SETD2: variants seen among roughly 807,000 people sequenced by gnomAD.
The protein encoded by SETD2 is histone-lysine N-methyltransferase SETD2.
A neutral mutation model predicts 242.1 loss-of-function variants in SETD2; 31 were observed. That is an observed-to-expected ratio of 0.13 (90% CI 0.10 to 0.17). SETD2 has a LOEUF of 0.17. Ranked by LOEUF, SETD2 falls within the 10% of genes least tolerant of loss-of-function variation. The pLI is 1.00. For missense variants in SETD2, 2,481 were observed against 3,046.3 expected (o/e 0.81, Z 4.37); for synonymous variants, 1,006 against 1,066.5 (o/e 0.94, Z 1.11).
Position 47,083,902 on chromosome 3 carries a change from T to G in SETD2, c.5878A>C (p.Ile1960Leu), listed in dbSNP as rs1559701154. 1 of 1,614,176 alleles carries G rather than the reference T, an allele frequency of 6.2e-7. No individual in the cohort carries two copies. The highest frequency in any genetic ancestry group is 8.5e-7 in the Non-Finnish European group (1 of 1,180,004). ...PTSEPEADAE[I>L]EPKESNGTKL... ...GTGCCGTTGCTCTCTTTGGGCTCTATTTCAGCGTCAGCTTCTGGTTCAGAT... is the reference window on the plus strand; with the variant it reads ...GTGCCGTTGCTCTCTTTGGGCTCTAGTTCAGCGTCAGCTTCTGGTTCAGAT... Residue 1960 changes from isoleucine (I) to leucine (L), a missense_variant, in exon 12 of 21, where the codon ATA becomes CTA. Coordinates refer to ENST00000409792, the MANE Select transcript of SETD2 (RefSeq NM_014159.7).
intron 1 of SETD2, among the ~76,000 whole-genome samples, chr3:47,134,756 T>C (rs1453658429): frequency 6.6e-6 from 1 of 151,962 alleles, no homozygotes. Context: ...CTGGAGTAGC[T>C]GGGATTATAG....
intron 1 of SETD2, among the ~76,000 whole-genome samples, chr3:47,145,746 T>G (rs2043835906): frequency 6.6e-6 from 1 of 152,172 alleles, no homozygotes; most frequent in Non-Finnish European, 1.5e-5. Flanking sequence ...ACAGGTGTGG[T>G]GGCTCATGCC....
At chr3:47,054,531 T>C (rs1348317847) in intron 15 of SETD2, among the ~76,000 whole-genome samples, 2 of 152,264 alleles carry the variant, frequency 1.3e-5, no homozygotes, top group South Asian at 4.1e-4. Flanking sequence ...AGAAAGAATA[T>C]GGCTCATACC....
intron 15 of SETD2, among the ~76,000 whole-genome samples, chr3:47,055,011 G>A (rs568227386): frequency 6.6e-6 from 1 of 151,904 alleles, no homozygotes; most frequent in South Asian, 2.1e-4. Context: ...ATCCCCACTG[G>A]CTCCTCTTAA....
At chr3:47,024,868 A>G (rs1437161014) in intron 18 of SETD2, among the ~76,000 whole-genome samples, 1 of 152,220 alleles carries the variant, frequency 6.6e-6, no homozygotes, top group East Asian at 1.9e-4. Flanking sequence ...ACCTGACTTT[A>G]CACTTTACAC....
rs1468631729 is a variant in SETD2 at position 47,121,945 on chromosome 3, G to A, written c.2691C>T (p.Leu897=). ...GAGATGTGTTCTCTCCGCATTTCAA[G>A]AGAGTTAGACTGTCCACCTTTATTC... The part of the protein sequence containing the change: ...PPGIKVDSLT[L]LKCGENTSPV... Residue 897 remains leucine, a synonymous_variant, in exon 3 of 21, where the codon CTC becomes CTT. Coordinates refer to ENST00000409792, the MANE Select transcript of SETD2 (RefSeq NM_014159.7). 6.2e-7 allele frequency: 1 copy of A among 1,614,004 alleles called. No homozygotes were observed. The highest frequency in any genetic ancestry group is 1.7e-5 in the Admixed American group (1 of 60,022).
rs753767436 is a variant in SETD2, at chr3:47,124,502, A to G, written c.134T>C (p.Met45Thr). ...TCGACTAGAAGCAACACCTTTGAAC[A>G]TTGGTCCTTTGATGAAACCTGTTTT... ...VQKTGFIKGP[M>T]FKGVASSRFL... The change falls in exon 3 of 21, where the codon ATG becomes ACG. Residue 45 changes from methionine (M) to threonine (T), a missense_variant. Transcript: ENST00000409792. 6.5e-7 allele frequency: 1 copy of G among 1,549,408 alleles called. No homozygotes were observed. The highest frequency in any genetic ancestry group is 1.4e-5 in the African/African-American group (1 of 73,082).
intron 12 of SETD2, among the ~76,000 whole-genome samples, chr3:47,076,871 C>G (rs1044568624): frequency 2.0e-5 from 3 of 152,186 alleles, no homozygotes; most frequent in Non-Finnish European, 4.4e-5. Flanking sequence ...ATTACTTTCT[C>G]TATCATACAC....
At position 47,084,421 on chromosome 3, in the gene SETD2, G is replaced by A. The variant is rs1559702250; in HGVS notation, c.5398-39C>T. 8 of 1,282,568 alleles carry A rather than the reference G, an allele frequency of 6.2e-6. No homozygotes were observed. The African/African-American group carries it at 1.3e-4, about 20-fold the overall frequency. The allele number at this position is 1,282,568 out of a possible 1,614,324, so 79.4% of individuals were successfully genotyped here. On this transcript the variant is annotated intron_variant, in intron 11 of 20. Coordinates refer to ENST00000409792, the MANE Select transcript of SETD2 (RefSeq NM_014159.7). The stretch of plus-strand genomic sequence containing the variant: ...AAAAAAAATTACATCACTTTGTACA[G>A]TTGACTTTTTTTTTTTTTTTTGAGA...
chr3:47,109,596 T>C (rs2042571568), intron 5 of SETD2, among the ~76,000 whole-genome samples: 1 of 152,048 alleles, frequency 6.6e-6, no homozygotes, highest in Non-Finnish European at 1.5e-5. Context: ...AGCAGTAAGC[T>C]GTGATCGCGC....
chr3:47,057,314 T>G lies in SETD2; in HGVS notation c.6470A>C (p.Tyr2157Ser), dbSNP rs1420585757. The change falls in exon 15 of 21, where the codon TAT becomes TCT. Residue 2157 changes from tyrosine (Y) to serine (S), a missense_variant. This residue lies in a region of SETD2 where 45 missense variants were observed against 62.8 expected (regional missense o/e 0.72). Transcript: ENST00000409792. ...TSPLPYDSLG[Y>S]NAPHHPFAGY... Reference sequence around the variant, plus strand: ...AGCAAAGGGATGATGCGGGGCATTATAACCAAGAGAGTCATAGGGCAGTGG... The same window carrying G: ...AGCAAAGGGATGATGCGGGGCATTAGAACCAAGAGAGTCATAGGGCAGTGG... The G allele has an allele frequency of 6.2e-7, 1 of 1,614,200 alleles. No homozygotes were observed. Among genetic ancestry groups the G allele is most frequent in the South Asian group, 1.1e-5 (1 of 91,088 alleles).
chr3:47,076,587 G>A (rs1288444827), intron 12 of SETD2, among the ~76,000 whole-genome samples: 1 of 152,186 alleles, frequency 6.6e-6, no homozygotes, highest in East Asian at 1.9e-4. Context: ...CCATGCCTTT[G>A]AAGAAAGCAA....
chr3:47,018,705 C>G (rs999939537), intron 19 of SETD2, among the ~76,000 whole-genome samples: 5 of 152,314 alleles, frequency 3.3e-5, no homozygotes, highest in South Asian at 4.1e-4. Flanking sequence ...TTCATTACCC[C>G]CTGCTTAAAA....
At chr3:47,056,727 A>G in intron 15 of SETD2, 94 bp downstream of exon 15, 6 of 907,716 alleles carry the variant, frequency 6.6e-6, no homozygotes, top group Non-Finnish European at 8.7e-6. Flanking sequence ...ATATACAAGT[A>G]GTCCATGGTA....
At chr3:47,071,529 C>A (rs1273986391) in intron 12 of SETD2, among the ~76,000 whole-genome samples, 1 of 152,122 alleles carries the variant, frequency 6.6e-6, no homozygotes, top group East Asian at 1.9e-4. Flanking sequence ...TCACCTACAG[C>A]CCAAAACATT....
intron 1 of SETD2, among the ~76,000 whole-genome samples, chr3:47,162,544 C>T (rs1697521137): frequency 6.6e-6 from 1 of 152,140 alleles, no homozygotes; most frequent in Admixed American, 6.5e-5. Flanking sequence ...ATGACCAACA[C>T]CTCAACAGAA....
At chr3:47,161,344 G>A (rs540064102) in intron 1 of SETD2, among the ~76,000 whole-genome samples, 5 of 152,076 alleles carry the variant, frequency 3.3e-5, no homozygotes, top group African/African-American at 1.2e-4. Context: ...TGAAGTCATC[G>A]TCCAAGGTTA....
intron 5 of SETD2, among the ~76,000 whole-genome samples, chr3:47,110,450 A>C (rs1312486281): frequency 6.6e-6 from 1 of 152,216 alleles, no homozygotes; most frequent in Non-Finnish European, 1.5e-5. Flanking sequence ...TTAAAACCCT[A>C]TCTGGTATCC....
chr3:47,073,392 C>A, intron 12 of SETD2, among the ~76,000 whole-genome samples: 1 of 151,874 alleles, frequency 6.6e-6, no homozygotes. Flanking sequence ...CTAAGAGGGC[C>A]AAAGGGAAAA....
Sources: gnomAD v4.1 joint callset for allele counts (sites outside exome capture counted in the v4.1 genomes callset) on GRCh38, gnomAD v4.1.1 for gene constraint, gnomAD v4.1.1 regional missense constraint, MANE v1.5 for transcripts, NCBI Gene and HGNC (gene_info 2026-07-23, HGNC 2026-07-21) for gene names.